TENT4B: variants seen among roughly 807,000 people sequenced by gnomAD.
TENT4B encodes the protein terminal nucleotidyltransferase 4B.
Under a neutral mutation model 75.0 loss-of-function variants are expected in TENT4B, and 10 were observed. The ratio of observed to expected loss-of-function variants is 0.13; its 90% CI spans 0.08 to 0.23. The LOEUF (loss-of-function observed/expected upper bound fraction) is 0.23, where lower values mean the gene tolerates loss of function less well. Ranked by LOEUF, TENT4B falls within the 10% of genes least tolerant of loss-of-function variation. The pLI is 1.00. For synonymous variants in TENT4B, 350 were observed against 357.7 expected (o/e 0.98, Z 0.24); for missense variants, 579 against 893.8 (o/e 0.65, Z 4.49).
At chr16:50,216,775 C>G (rs2031578045) in intron 4 of TENT4B, among the ~76,000 whole-genome samples, 1 of 151,904 alleles carries the variant, frequency 6.6e-6, no homozygotes, top group Non-Finnish European at 1.5e-5. Flanking sequence ...CCACCTCAGC[C>G]TTATGTGTAT....
Position 50,231,242 on chromosome 16 carries a change from T to C in TENT4B, c.*1914T>C, listed in dbSNP as rs1298808460. 1.0e-6 allele frequency: 1 copy of C among 984,892 alleles called. No homozygotes were observed. The highest frequency in any genetic ancestry group is 1.1e-4 in the East Asian group (1 of 8,828). 61.0% of individuals were successfully genotyped at this position (984,892 alleles called of 1,614,324 possible). On this transcript the variant is annotated 3_prime_UTR_variant, in exon 12 of 12. Transcript: ENST00000561678. ...ATTTTATTCTGATCAGAATTTTTAT[T>C]GAGATGTTGAGCTTTTGTTTTTGAA... is the stretch of plus-strand genomic sequence containing the variant.
intron 1 of TENT4B, among the ~76,000 whole-genome samples, chr16:50,191,981 G>A (rs992904271): frequency 3.3e-5 from 5 of 151,878 alleles, no homozygotes; most frequent in African/African-American, 4.8e-5. Flanking sequence ...GGTGTCTCAC[G>A]CTTGTAATCC....
At chr16:50,168,954 A>G (rs1268248933) in intron 1 of TENT4B, among the ~76,000 whole-genome samples, 3 of 152,170 alleles carry the variant, frequency 2.0e-5, no homozygotes, top group East Asian at 3.8e-4. Context: ...CCAATATCAT[A>G]TAATTTCATA....
chr16:50,217,727 G>T (rs1391688236), intron 5 of TENT4B, 64 bp downstream of exon 5: 7 of 985,438 alleles, frequency 7.1e-6, no homozygotes, highest in Non-Finnish European at 1.0e-5. Context: ...TTCTGTTGTG[G>T]TGGTGTTCTA....
chr16:50,196,956 A>C (rs1272311822), intron 1 of TENT4B, among the ~76,000 whole-genome samples: 8 of 151,634 alleles, frequency 5.3e-5, no homozygotes, highest in African/African-American at 1.9e-4. Flanking sequence ...AAATAGTACA[A>C]CTTTAAGCAG....
intron 1 of TENT4B, among the ~76,000 whole-genome samples, chr16:50,156,817 G>A (rs2037910245): frequency 6.6e-6 from 1 of 151,888 alleles, no homozygotes; most frequent in African/African-American, 2.4e-5. Flanking sequence ...CACCACACCT[G>A]CCTAATTTTT....
chr16:50,162,504 A>G (rs1041795165), intron 1 of TENT4B, among the ~76,000 whole-genome samples: 2 of 152,130 alleles, frequency 1.3e-5, no homozygotes, highest in African/African-American at 2.4e-5. Flanking sequence ...GAGCGGTTCT[A>G]ATATGTGTAG....
In TENT4B at chr16:50,233,902, G is replaced by T. The variant is rs1450790695; in HGVS notation, c.*4574G>T. ...TGTCAATAAGAACAGCTAATGATGT[G>T]GAAATCAGGTGTTCTCTTGTGTATT... On this transcript the variant is annotated 3_prime_UTR_variant, in exon 12 of 12. Transcript: ENST00000561678. 1.2e-5 allele frequency: 12 copies of T among 985,240 alleles called. No homozygotes were observed. Among genetic ancestry groups the T allele is most frequent in the Non-Finnish European group, 1.3e-5 (11 of 829,908 alleles). 61.0% of individuals were successfully genotyped at this position (985,240 alleles called of 1,614,324 possible). A position where few individuals can be genotyped will look rare whatever the true frequency, so the allele number is the denominator to read the frequency against.
chr16:50,231,483 G>C lies in TENT4B; in HGVS notation c.*2155G>C. The C allele has an allele frequency of 2.0e-6, 2 of 985,676 alleles. No individual in the cohort carries two copies. Among genetic ancestry groups the C allele is most frequent in the South Asian group, 9.4e-5 (2 of 21,282 alleles). The allele number at this position is 985,676 out of a possible 1,614,324, so 61.1% of individuals were successfully genotyped here. A position where few individuals can be genotyped will look rare whatever the true frequency, so the allele number is the denominator to read the frequency against. On this transcript the variant is annotated 3_prime_UTR_variant, in exon 12 of 12. Coordinates refer to ENST00000561678, the MANE Select transcript of TENT4B (RefSeq NM_001365324.3). ...TTGTTGTTTTTTGTTTGTTTTTAAA[G>C]AATCACCCTCATTGTTGAAAGTAAA...
At position 50,230,278 on chromosome 16, in the gene TENT4B, TC is replaced by T. The variant is rs202038001; in HGVS notation, c.*956del. 1.2e-5 allele frequency: 12 copies of T among 973,822 alleles called. No individual in the cohort carries two copies. The highest frequency in any genetic ancestry group is 1.5e-5 in the Non-Finnish European group (12 of 826,792). The allele number at this position is 973,822 out of a possible 1,614,324, so 60.3% of individuals were successfully genotyped here. A position where few individuals can be genotyped will look rare whatever the true frequency, so the allele number is the denominator to read the frequency against. On this transcript the variant is annotated 3_prime_UTR_variant, in exon 12 of 12. Coordinates refer to ENST00000561678, the MANE Select transcript of TENT4B (RefSeq NM_001365324.3). The stretch of plus-strand genomic sequence containing the variant: ...TGCTTCCTTTGCAGTCTTTTTTTTT[TC>T]CCCCCATTTCTTCCTAATAGGAAAA...
chr16:50,153,069 T>G, upstream of TENT4B: 1 of 1,446,536 alleles, frequency 6.9e-7, no homozygotes. Flanking sequence ...GCAAGTACGG[T>G]TGGGCCAGGC....
At chr16:50,203,984 A>G (rs909019044) in intron 1 of TENT4B, among the ~76,000 whole-genome samples, 1 of 152,200 alleles carries the variant, frequency 6.6e-6, no homozygotes, top group Non-Finnish European at 1.5e-5. Flanking sequence ...AGAGGAGCTA[A>G]TATTTGAGCT....
chr16:50,218,345 T>C (rs556439109), intron 5 of TENT4B, among the ~76,000 whole-genome samples: 1 of 151,962 alleles, frequency 6.6e-6, no homozygotes, highest in South Asian at 2.1e-4. Flanking sequence ...CTTTTTTTTT[T>C]TCTTTTTTCG....
In TENT4B at chr16:50,234,278, AC is replaced by A. The variant is rs2150758756; in HGVS notation, c.*4951del. The A allele has an allele frequency of 2.0e-6, 2 of 985,444 alleles. No individual in the cohort carries two copies. The highest frequency in any genetic ancestry group is 9.4e-5 in the South Asian group (2 of 21,276). 61.0% of individuals were successfully genotyped at this position (985,444 alleles called of 1,614,324 possible). A position where few individuals can be genotyped will look rare whatever the true frequency, so the allele number is the denominator to read the frequency against. ...AGACCTTCATCTCTTAAAAAAACAA[AC>A]AAAAACCTGAATGGTGAGGTGTGGT... On this transcript the variant is annotated 3_prime_UTR_variant, in exon 12 of 12. Transcript: ENST00000561678.
chr16:50,215,998 A>G lies in TENT4B; in HGVS notation c.810-77A>G. 5 of 1,549,048 alleles carry G rather than the reference A, an allele frequency of 3.2e-6. No homozygotes were observed. The East Asian group carries it at 1.1e-4, about 35-fold the overall frequency. ...AAATAGGTTTTAATTGTACTAATGA[A>G]GTCTATAAGCATGAGTGTCAGTTAA... On this transcript the variant is annotated intron_variant, in intron 3 of 11. Coordinates refer to ENST00000561678, the MANE Select transcript of TENT4B (RefSeq NM_001365324.3).
chr16:50,227,269 C>T (rs532352103), intron 10 of TENT4B, among the ~76,000 whole-genome samples: 2 of 152,272 alleles, frequency 1.3e-5, no homozygotes, highest in South Asian at 4.1e-4. Flanking sequence ...GTGTTGGGGA[C>T]TGAGAGAATG....
At chr16:50,196,559 G>A (rs2030270320) in intron 1 of TENT4B, among the ~76,000 whole-genome samples, 1 of 151,982 alleles carries the variant, frequency 6.6e-6, no homozygotes, top group Non-Finnish European at 1.5e-5. Flanking sequence ...AGCTACCAAT[G>A]TTGCTTTATT....
chr16:50,173,111 T>A (rs577344326), intron 1 of TENT4B, among the ~76,000 whole-genome samples: 1 of 152,088 alleles, frequency 6.6e-6, no homozygotes, highest in Non-Finnish European at 1.5e-5. Context: ...GCCTGGCTAA[T>A]GTTTGTATTT....
chr16:50,213,856 A>G (rs527443675), intron 2 of TENT4B, among the ~76,000 whole-genome samples: 4 of 152,210 alleles, frequency 2.6e-5, no homozygotes, highest in Admixed American at 2.0e-4. Context: ...GATGATGTAA[A>G]GTACATGGGA....
Sources: gnomAD v4.1 joint callset for allele counts (sites outside exome capture counted in the v4.1 genomes callset) on GRCh38, gnomAD v4.1.1 for gene constraint, MANE v1.5 for transcripts, NCBI Gene and HGNC (gene_info 2026-07-23, HGNC 2026-07-21) for gene names.